TJP1: variants seen among roughly 807,000 people sequenced by gnomAD.
The protein encoded by TJP1 is tight junction protein 1.
A neutral mutation model predicts 194.2 loss-of-function variants in TJP1; 43 were observed. The observed-to-expected ratio is 0.22, with a 90% CI of 0.17 to 0.29. The LOEUF (loss-of-function observed/expected upper bound fraction) is 0.29, where lower values mean the gene tolerates loss of function less well. Among genes scored for constraint, TJP1 ranks in the 10% least tolerant of loss-of-function variants. The probability of loss-of-function intolerance (pLI) is 1.00; values close to 1 mark genes in which losing one functional copy is unlikely to be tolerated. For missense variants in TJP1, 1,971 were observed against 2,185.7 expected (o/e 0.90, Z 1.96); for synonymous variants, 801 against 779.0 (o/e 1.03, Z -0.47).
chr15:29,899,234 C>T (rs1210221944), intron 2 of TJP1, among the ~76,000 whole-genome samples: 2 of 152,164 alleles, frequency 1.3e-5, no homozygotes, highest in Non-Finnish European at 2.9e-5. Context: ...AAAGTGGACC[C>T]CCACTAGCAT....
At chr15:29,738,865 TAAAA>T (rs71103406) in intron 10 of TJP1, among the ~76,000 whole-genome samples, 3 of 48,866 alleles carry the variant, frequency 6.1e-5, no homozygotes, top group Admixed American at 7.0e-4. Flanking sequence ...CTGTCACTAC[TAAAA>T]AAAAAAAAAA....
At chr15:29,810,440 T>C (rs890209731) in intron 1 of TJP1, among the ~76,000 whole-genome samples, 3 of 152,198 alleles carry the variant, frequency 2.0e-5, no homozygotes, top group Non-Finnish European at 4.4e-5. Context: ...TAAGTAGTAT[T>C]TCCATGAGCT....
Position 29,701,445 on chromosome 15 carries a change from T to TTAAAAAA in TJP1, c.*149_*150insTTTTTTA. ...GTTTTCCGACCATGGTTCAGGGGCATGCTCACTCATCTTTATCAGTTCAAA... is the reference window on the plus strand; with the variant it reads ...GTTTTCCGACCATGGTTCAGGGGCATTAAAAAAGCTCACTCATCTTTATCAGTTCAAA... On this transcript the variant is annotated 3_prime_UTR_variant, in exon 28 of 28. Transcript: ENST00000614355. 1.6e-6 allele frequency: 1 copy of TTAAAAAA among 609,576 alleles called. No individual in the cohort carries two copies. The highest frequency in any genetic ancestry group is 2.8e-5 in the East Asian group (1 of 36,242). The allele number at this position is 609,576 out of a possible 1,614,324, so 37.8% of individuals were successfully genotyped here.
chr15:29,768,616 C>A (rs2046463378), intron 4 of TJP1, among the ~76,000 whole-genome samples: 1 of 152,104 alleles, frequency 6.6e-6, no homozygotes, highest in African/African-American at 2.4e-5. Context: ...CTATCCAGCC[C>A]ACTAAGATTT....
rs748862082 is a variant in TJP1 at position 29,705,552 on chromosome 15, G to C, written c.5044C>G (p.Leu1682Val). The change falls in exon 26 of 28, where the codon CTT becomes GTT. Residue 1682 changes from leucine (L) to valine (V), a missense_variant. Leu to Val is a conservative substitution (Grantham distance 32). Around this residue, in one of 5 missense-constraint regions of TJP1, gnomAD observed 1,108 missense variants for 1,128.5 expected, o/e 0.98. Transcript: ENST00000614355. ...YFKVCRDNSI[L>V]PPLDKEKGET... ...CCTTTCTCTTTATCTAAAGGTGGAAGGATGCTGTTGTCCCGGCAGACCTTG... is the reference window on the plus strand; with the variant it reads ...CCTTTCTCTTTATCTAAAGGTGGAACGATGCTGTTGTCCCGGCAGACCTTG... The C allele has an allele frequency of 5.6e-6, 9 of 1,614,118 alleles. 1 individual carries two copies. The highest frequency in any genetic ancestry group is 5.9e-6 in the Non-Finnish European group (7 of 1,180,062).
intron 2 of TJP1, among the ~76,000 whole-genome samples, chr15:29,914,949 T>C (rs2054138452): frequency 6.6e-6 from 1 of 152,058 alleles, no homozygotes; most frequent in Non-Finnish European, 1.5e-5. Context: ...ACAACCTCAG[T>C]CAGTTGCACT....
chr15:29,768,761 C>A (rs2046471170), intron 4 of TJP1, among the ~76,000 whole-genome samples: 1 of 152,012 alleles, frequency 6.6e-6, no homozygotes, highest in South Asian at 2.1e-4. Context: ...CAGTTATAAA[C>A]ATGAATAATA....
chr15:29,803,534 T>G (rs571905041), intron 1 of TJP1, among the ~76,000 whole-genome samples: 1 of 152,296 alleles, frequency 6.6e-6, no homozygotes, highest in South Asian at 2.1e-4. Flanking sequence ...TATTTTCAAC[T>G]TACGATGAGT....
At chr15:29,706,166 G>A (rs1216817885) in intron 25 of TJP1, among the ~76,000 whole-genome samples, 8 of 152,046 alleles carry the variant, frequency 5.3e-5, no homozygotes, top group East Asian at 1.9e-4. Context: ...TCCTGATCTC[G>A]TCGTGATCCA....
intron 3 of TJP1, among the ~76,000 whole-genome samples, chr15:29,772,905 C>CA (rs2046784654): frequency 6.6e-6 from 1 of 152,120 alleles, no homozygotes; most frequent in Non-Finnish European, 1.5e-5. Flanking sequence ...GCTGGGACTG[C>CA]AGGCACAAGC....
intron 2 of TJP1, among the ~76,000 whole-genome samples, chr15:29,845,588 G>A (rs928873134): frequency 6.6e-6 from 1 of 152,076 alleles, no homozygotes; most frequent in African/African-American, 2.4e-5. Context: ...GGCAGATCAC[G>A]AGGGCAAGAG....
In TJP1 at chr15:29,835,785, T is replaced by C. The variant is rs117670600; in HGVS notation, c.307-35083A>G. Among the ~76,000 whole-genome samples the C allele has an allele frequency of 8.8e-3, 1,334 of 152,318 alleles. 14 individuals carry two copies. Among genetic ancestry groups the C allele is most frequent in the Non-Finnish European group, 0.015 (990 of 68,030 alleles). On this transcript the variant is annotated intron_variant, in intron 2 of 28. Transcript: ENST00000356107. The stretch of plus-strand genomic sequence containing the variant: ...ATCCTTTTGAGAGAGTCTCCACAAT[T>C]AGCTGGACTGGAAAACTTAGCAACA...
intron 1 of TJP1, among the ~76,000 whole-genome samples, chr15:29,811,003 T>C (rs894327764): frequency 6.6e-6 from 1 of 152,048 alleles, no homozygotes; most frequent in Non-Finnish European, 1.5e-5. Flanking sequence ...TGGCTAAATA[T>C]ATAGTCACAA....
At chr15:29,814,141 AG>A (rs35817632) in intron 1 of TJP1, among the ~76,000 whole-genome samples, 1 of 152,226 alleles carries the variant, frequency 6.6e-6, no homozygotes, top group Non-Finnish European at 1.5e-5. Context: ...AACATTAACA[AG>A]GAAAAATACA....
intron 2 of TJP1, among the ~76,000 whole-genome samples, chr15:29,853,488 G>C (rs1052889680): frequency 6.6e-6 from 1 of 152,052 alleles, no homozygotes; most frequent in Non-Finnish European, 1.5e-5. Flanking sequence ...TTACCATTTG[G>C]GGACATTGGA....
intron 2 of TJP1, among the ~76,000 whole-genome samples, chr15:29,828,470 T>C (rs535442170): frequency 6.6e-6 from 1 of 152,268 alleles, no homozygotes; most frequent in African/African-American, 2.4e-5. Flanking sequence ...AAAAAGGAAT[T>C]ATTTTCTGGA....
chr15:29,902,446 A>T (rs936759239), intron 2 of TJP1, among the ~76,000 whole-genome samples: 2 of 152,344 alleles, frequency 1.3e-5, no homozygotes, highest in East Asian at 3.9e-4. Context: ...TTTTAAAAAA[A>T]CTTTCCATTA....
Position 29,889,004 on chromosome 15 carries a change from C to T in TJP1, c.306+67228G>A, listed in dbSNP as rs34109893. ...TGTGCTCTGTGGATAGCCAAGGACT[C>T]CTGCTCCCCAAGACAGAGACGCAAA... On this transcript the variant is annotated intron_variant, in intron 2 of 28. Transcript: ENST00000356107. Among the ~76,000 whole-genome samples, 1,133 of 152,288 alleles carry T rather than the reference C, an allele frequency of 7.4e-3. 6 individuals are homozygous for T. Among genetic ancestry groups the T allele is most frequent in the Non-Finnish European group, 0.013 (860 of 68,020 alleles).
rs79862685 is a variant in TJP1, at chr15:29,926,153, T to C, written c.306+30079A>G. Reference sequence around the variant, plus strand: ...AAGGATAAAAATGAGGTGAAAGAAATAGAAGTGTTTTTGTGAACTTTTAAA... The same window carrying C: ...AAGGATAAAAATGAGGTGAAAGAAACAGAAGTGTTTTTGTGAACTTTTAAA... On this transcript the variant is annotated intron_variant, in intron 2 of 28. Transcript: ENST00000356107. Among the ~76,000 whole-genome samples the C allele has an allele frequency of 2.0e-3, 299 of 152,320 alleles. 2 individuals are homozygous for C. Among genetic ancestry groups the C allele is most frequent in the African/African-American group, 6.9e-3 (286 of 41,566 alleles).
Sources: allele counts gnomAD v4.1 joint callset (sites outside exome capture counted in the v4.1 genomes callset), GRCh38; gene constraint gnomAD v4.1.1; regional missense constraint gnomAD v4.1.1; transcripts MANE v1.5; gene names NCBI Gene and HGNC (gene_info 2026-07-23, HGNC 2026-07-21).